Variants in CDH18 observed in about 807,000 individuals in gnomAD.
CDH18 encodes cadherin 18.
In CDH18, 31 loss-of-function variants were observed where a neutral mutation model predicts 67.9. The observed-to-expected ratio is 0.46, with a 90% CI of 0.34 to 0.62. CDH18 has a LOEUF of 0.62. Among genes scored for constraint, CDH18 ranks in the 20% least tolerant of loss-of-function variants. The pLI, the probability that CDH18 is intolerant of heterozygous loss-of-function variation, is 0.01. For synonymous variants in CDH18, 362 were observed against 347.2 expected (o/e 1.04, Z -0.48); for missense variants, 890 against 975.5 (o/e 0.91, Z 1.17).
At chr5:20,069,023 C>T (rs189761933) in intron 2 of CDH18, among the ~76,000 whole-genome samples, 31 of 152,172 alleles carry the variant, frequency 2.0e-4, no homozygotes, top group African/African-American at 7.2e-4. Context: ...TAAACAGAAG[C>T]TTATGAGCCA....
intron 1 of CDH18, among the ~76,000 whole-genome samples, chr5:20,375,700 C>A: frequency 6.6e-6 from 1 of 151,994 alleles, no homozygotes; most frequent in East Asian, 1.9e-4. Flanking sequence ...GCATAATTTT[C>A]CCTCTGCTGG....
At chr5:19,522,844 G>A (rs1747124020) in intron 9 of CDH18, among the ~76,000 whole-genome samples, 1 of 147,106 alleles carries the variant, frequency 6.8e-6, no homozygotes, top group African/African-American at 2.5e-5. Flanking sequence ...GCAGCGAGCT[G>A]AGCTCACGCC....
At chr5:19,878,078 C>T (rs969665126) in intron 2 of CDH18, 2 of 152,028 alleles carry the variant, frequency 1.3e-5, no homozygotes, top group African/African-American at 4.8e-5. Context: ...AATATGTTCC[C>T]ATTTTTGAAA....
intron 2 of CDH18, among the ~76,000 whole-genome samples, chr5:20,186,634 C>A (rs1738122879): frequency 6.6e-6 from 1 of 151,730 alleles, no homozygotes; most frequent in South Asian, 2.1e-4. Flanking sequence ...GACTGAGAAT[C>A]ATTAGAAAAA....
chr5:20,408,443 T>C (rs775699925), intron 1 of CDH18, among the ~76,000 whole-genome samples: 17 of 151,938 alleles, frequency 1.1e-4, no homozygotes, highest in Admixed American at 1.1e-3. Context: ...AAGTGTGACA[T>C]CATTAACAAA....
chr5:20,391,025 C>T (rs1744805220), intron 1 of CDH18, among the ~76,000 whole-genome samples: 1 of 151,902 alleles, frequency 6.6e-6, no homozygotes, highest in Non-Finnish European at 1.5e-5. Context: ...TGGAGATATA[C>T]CTAATGCTAA....
At chr5:20,366,606 G>C (rs1742537770) in intron 1 of CDH18, among the ~76,000 whole-genome samples, 1 of 152,182 alleles carries the variant, frequency 6.6e-6, no homozygotes, top group Non-Finnish European at 1.5e-5. Flanking sequence ...TCATTGGCAA[G>C]CGGCTTTACC....
At chr5:20,285,768 T>C (rs192944783) in intron 1 of CDH18, among the ~76,000 whole-genome samples, 6 of 151,750 alleles carry the variant, frequency 4.0e-5, no homozygotes, top group African/African-American at 1.2e-4. Context: ...AATTTAGTAA[T>C]AGTCAAATCA....
chr5:19,954,423 T>C (rs769147879), intron 2 of CDH18, among the ~76,000 whole-genome samples: 2 of 152,008 alleles, frequency 1.3e-5, no homozygotes, highest in Non-Finnish European at 2.9e-5. Flanking sequence ...ACTACACATA[T>C]CAATTCATAT....
chr5:20,139,627 A>G (rs746939799), intron 2 of CDH18, among the ~76,000 whole-genome samples: 16 of 152,190 alleles, frequency 1.1e-4, no homozygotes, highest in Admixed American at 7.2e-4. Flanking sequence ...ACAAGAAAAA[A>G]TCAAACAACC....
At chr5:19,573,250 A>C (rs927455741) in intron 7 of CDH18, among the ~76,000 whole-genome samples, 15 of 150,992 alleles carry the variant, frequency 9.9e-5, no homozygotes, top group African/African-American at 2.7e-4. Flanking sequence ...TGCCAAAATA[A>C]CTAATACCTA....
intron 5 of CDH18, among the ~76,000 whole-genome samples, chr5:19,668,174 T>C (rs1291121894): frequency 6.6e-6 from 1 of 152,036 alleles, no homozygotes. Context: ...TTAAACAGCA[T>C]TCTATGCAAT....
intron 1 of CDH18, among the ~76,000 whole-genome samples, chr5:20,543,044 T>C (rs942878851): frequency 4.6e-5 from 7 of 152,036 alleles, no homozygotes; most frequent in Non-Finnish European, 8.8e-5. Context: ...ATCAAGATTG[T>C]TTTGCTGGCA....
chr5:20,278,570 GT>G (rs1745985617), intron 1 of CDH18, among the ~76,000 whole-genome samples: 1 of 151,920 alleles, frequency 6.6e-6, no homozygotes, highest in Admixed American at 6.6e-5. Flanking sequence ...ATAATTGAAG[GT>G]TAACTTGTGA....
intron 1 of CDH18, among the ~76,000 whole-genome samples, chr5:20,509,640 C>T (rs77522507): frequency 4.4e-3 from 10 of 2,292 alleles, no homozygotes; most frequent in Middle Eastern, 0.25. Flanking sequence ...AGGATAGTCT[C>T]GATCTCCTGA....
intron 1 of CDH18, among the ~76,000 whole-genome samples, chr5:20,350,178 T>C (rs1007610297): frequency 2.6e-5 from 4 of 152,172 alleles, no homozygotes; most frequent in Non-Finnish European, 5.9e-5. Flanking sequence ...AAAAATTTCT[T>C]TTTGTTTTTA....
intron 2 of CDH18, among the ~76,000 whole-genome samples, chr5:20,130,044 T>C (rs1187669450): frequency 7.1e-6 from 1 of 140,252 alleles, no homozygotes; most frequent in Non-Finnish European, 1.6e-5. Context: ...ATACAGATAA[T>C]AGATTTAGTG....
chr5:19,974,669 A>G (rs1798339553), intron 2 of CDH18, among the ~76,000 whole-genome samples: 1 of 152,138 alleles, frequency 6.6e-6, no homozygotes, highest in African/African-American at 2.4e-5. Context: ...AGGTGCAGAT[A>G]TAGCAGGCAT....
chr5:19,656,347 CA>C (rs750815089), intron 5 of CDH18, among the ~76,000 whole-genome samples: 12 of 151,850 alleles, frequency 7.9e-5, no homozygotes, highest in South Asian at 2.1e-4. Flanking sequence ...TTTTTTAAAT[CA>C]TTTTTTTCTT....
Sources: gnomAD v4.1 joint callset for allele counts (sites outside exome capture counted in the v4.1 genomes callset) on GRCh38, gnomAD v4.1.1 for gene constraint, MANE v1.5 for transcripts, NCBI Gene and HGNC (gene_info 2026-07-23, HGNC 2026-07-21) for gene names.